Variants in CDH15 observed in about 807,000 individuals in gnomAD.
CDH15 encodes cadherin-15.
Under a neutral mutation model 69.4 loss-of-function variants are expected in CDH15, and 73 were observed. The ratio of observed to expected loss-of-function variants is 1.05; its 90% confidence interval spans 0.87 to 1.28. CDH15 has a LOEUF of 1.28. Ranked by LOEUF, CDH15 falls within the 50% of genes most tolerant of loss-of-function variation. The pLI is 0.00. For synonymous variants in CDH15, 624 were observed against 507.7 expected, an observed-to-expected ratio of 1.23 and a Z score of -3.08; for missense variants, 1,343 against 1,133.6, an observed-to-expected ratio of 1.18 and a Z score of -2.65.
At position 89,178,357 on chromosome 16, in the gene CDH15, A is replaced by G. The variant is rs548172070; in HGVS notation, c.43-1059A>G. On this transcript the variant is annotated intron_variant, in intron 1 of 13. Transcript: ENST00000289746. ...CACCAGGGCTTCCCGTGTGCATTAC[A>G]AACAGTGCGTCCCAGCCCCTGATGT... Among the ~76,000 whole-genome samples, 5 of 152,250 alleles carry G rather than the reference A, an allele frequency of 3.3e-5. No individual in the cohort carries two copies. The East Asian group carries it at 9.7e-4, about 29-fold the overall frequency.
At chr16:89,184,993 G>T (rs985036507) in intron 4 of CDH15, among the ~76,000 whole-genome samples, 180 bp from the exon 5 acceptor site, 1 of 152,238 alleles carries the variant, frequency 6.6e-6, no homozygotes, top group East Asian at 1.9e-4. Flanking sequence ...CGACCTGGGG[G>T]TTGCCGCATG....
At chr16:89,190,852 C>T (rs1246686844) in intron 8 of CDH15, among the ~76,000 whole-genome samples, 2 of 152,176 alleles carry the variant, frequency 1.3e-5, no homozygotes, top group Admixed American at 6.5e-5. Flanking sequence ...AGGGCCAGCA[C>T]CAACTGAGGC....
intron 4 of CDH15, among the ~76,000 whole-genome samples, chr16:89,184,070 T>C (rs1915431535): frequency 1.3e-5 from 2 of 152,150 alleles, no homozygotes; most frequent in Non-Finnish European, 2.9e-5. Flanking sequence ...CAGGCTGACC[T>C]GTAAGCTCCA....
At chr16:89,184,235 G>T (rs550937407) in intron 4 of CDH15, among the ~76,000 whole-genome samples, 1 of 152,154 alleles carries the variant, frequency 6.6e-6, no homozygotes, top group African/African-American at 2.4e-5. Context: ...TTTCCTTCCC[G>T]TGTCTGTGGC....
chr16:89,185,920 CGCTT>C (rs1354623025), intron 5 of CDH15: 19 of 167,180 alleles, frequency 1.1e-4, no homozygotes, highest in Non-Finnish European at 1.9e-4. Flanking sequence ...GCTCTGTAAA[CGCTT>C]ATCCAGCACA....
rs138371165 is a variant in CDH15 at position 89,181,124 on chromosome 16, G to A, written c.357+769G>A. ...ATCTGGGATTACAGGCTCCACCACCGTGCCCAGTTAATTTTTGTATTTTTA... is the reference window on the plus strand; with the variant it reads ...ATCTGGGATTACAGGCTCCACCACCATGCCCAGTTAATTTTTGTATTTTTA... On this transcript the variant is annotated intron_variant, in intron 3 of 13. Transcript: ENST00000289746. 1.7e-3 allele frequency among the ~76,000 whole-genome samples: 255 copies of A among 152,068 alleles called. 3 individuals are homozygous for A. In the South Asian group the frequency reaches 0.023, roughly 14 times the overall value.
chr16:89,179,107 G>A (rs1483246972), intron 1 of CDH15, among the ~76,000 whole-genome samples: 2 of 152,234 alleles, frequency 1.3e-5, no homozygotes, highest in African/African-American at 4.8e-5. Flanking sequence ...AGGGGCTGCA[G>A]ACAGCCTGGC....
intron 5 of CDH15, chr16:89,185,662 C>T (rs2050611415): frequency 7.3e-6 from 3 of 413,690 alleles, no homozygotes; most frequent in South Asian, 2.4e-5. Flanking sequence ...TGTCAGGGCC[C>T]CTGTTGCCCC....
chr16:89,188,012 A>C (rs1040949287), intron 6 of CDH15, 88 bp from the exon 7 acceptor site: 21 of 598,342 alleles, frequency 3.5e-5, no homozygotes, highest in Non-Finnish European at 4.8e-5. Context: ...GGAGGGTGGG[A>C]GGGGAGGGTG....
rs376932804 is a variant in CDH15 at position 89,193,557 on chromosome 16, G to A, written c.1943G>A (p.Arg648Gln). 5 of 1,610,820 alleles carry A rather than the reference G, an allele frequency of 3.1e-6. No homozygotes were observed. Among genetic ancestry groups the A allele is most frequent in the Admixed American group, 1.7e-5 (1 of 59,788 alleles). ...GLLHGPQDDL[R>Q]DNVLNYDEQG... Reference sequence around the variant, plus strand: ...CTGCACGGCCCCCAGGACGACCTTCGAGACAATGTCCTCAACTACGATGAG... The same window carrying A: ...CTGCACGGCCCCCAGGACGACCTTCAAGACAATGTCCTCAACTACGATGAG... Residue 648 changes from arginine (R) to glutamine (Q), a missense_variant, in exon 12 of 14, where the codon CGA (arginine) becomes CAA (glutamine). By Grantham distance (43) the Arg-to-Gln change is conservative. Coordinates refer to ENST00000289746, the MANE Select transcript of CDH15 (RefSeq NM_004933.3).
At chr16:89,185,699 A>T in intron 5 of CDH15, 1 of 357,918 alleles carries the variant, frequency 2.8e-6, no homozygotes, top group Non-Finnish European at 5.4e-6. Context: ...GTGCTCCCGG[A>T]AGACCCCCCT....
Position 89,192,386 on chromosome 16 carries a change from C to T in CDH15, c.1797C>T (p.Gly599=). ...GGGCCGCAGCGCTGCTGGCGGGGGG[C>T]ACAGGCCTCAGCCTGGGCGCACTGG... is the stretch of plus-strand genomic sequence containing the variant. ...LPGAAALLAG[G]TGLSLGALVI... The change falls in exon 11 of 14, where the codon GGC becomes GGT. Residue 599 remains glycine (G), a synonymous_variant. Coordinates refer to ENST00000289746, the MANE Select transcript of CDH15 (RefSeq NM_004933.3). 6.5e-7 allele frequency: 1 copy of T among 1,536,716 alleles called. No homozygotes were observed. The highest frequency in any genetic ancestry group is 1.2e-5 in the South Asian group (1 of 84,234).
rs576930013 is a variant in CDH15 at position 89,194,627 on chromosome 16, C to T, written c.2152-235C>T. Among the ~76,000 whole-genome samples the T allele has an allele frequency of 5.3e-5, 8 of 152,268 alleles. No individual in the cohort carries two copies. In the East Asian group the frequency reaches 7.7e-4, roughly 15 times the overall value. ...TGGGGCAGGGCAGAGCCCCGGGGGACGGGCTGGCCGCTGGCCTAATACTGA... is the reference window on the plus strand; with the variant it reads ...TGGGGCAGGGCAGAGCCCCGGGGGATGGGCTGGCCGCTGGCCTAATACTGA... On this transcript the variant is annotated intron_variant, in intron 13 of 13. Transcript: ENST00000289746.
intron 1 of CDH15, among the ~76,000 whole-genome samples, chr16:89,172,100 A>G (rs1255898928): frequency 2.0e-5 from 3 of 152,060 alleles, no homozygotes; most frequent in Non-Finnish European, 2.9e-5. Flanking sequence ...CACCCCCAGG[A>G]CTGCAGAGTG....
Position 89,185,286 on chromosome 16 carries a change from G to C in CDH15, c.616G>C (p.Glu206Gln). The C allele has an allele frequency of 1.2e-6, 2 of 1,605,932 alleles. No homozygotes were observed. Among genetic ancestry groups the C allele is most frequent in the Non-Finnish European group, 1.7e-6 (2 of 1,176,624 alleles). ...CAGCCCCGAGCTCTTCAGCATCGAC[G>C]AGCTCACAGGAGAGATCCGCACAGT... ...QGSPELFSID[E>Q]LTGEIRTVQV... is the part of the protein sequence containing the mutation. Residue 206 changes from glutamate (E) to glutamine (Q), a missense_variant, in exon 5 of 14, where the codon GAG becomes CAG. Transcript: ENST00000289746.
At chr16:89,174,790 G>A (rs1915224042) in intron 1 of CDH15, among the ~76,000 whole-genome samples, 1 of 152,138 alleles carries the variant, frequency 6.6e-6, no homozygotes, top group African/African-American at 2.4e-5. Context: ...TTGGGTGGGG[G>A]ACAGAGAGGA....
At chr16:89,188,060 C>T in intron 6 of CDH15, 40 bp from the exon 7 acceptor site, 1 of 1,568,410 alleles carries the variant, frequency 6.4e-7, no homozygotes, top group South Asian at 1.2e-5. Context: ...TGCTGTCCCC[C>T]CAGCCCTGCT....
In CDH15 at chr16:89,195,134, A is replaced by G. The variant is rs1262391660; in HGVS notation, c.2424A>G (p.Arg808=). 2.5e-6 allele frequency: 4 copies of G among 1,599,646 alleles called. No homozygotes were observed. Among genetic ancestry groups the G allele is most frequent in the Non-Finnish European group, 3.4e-6 (4 of 1,172,564 alleles). ...TTTCTCCTGGGGCACTGCTACCCAG[A>G]CACAGAGGCCGGACAGCCTGACCCT... ...EGLSPGALLP[R]HRGRTA is the part of the protein sequence containing the mutation. The change falls in exon 14 of 14, where the codon AGA becomes AGG. Residue 808 remains arginine (R), a synonymous_variant. Coordinates refer to ENST00000289746, the MANE Select transcript of CDH15 (RefSeq NM_004933.3).
chr16:89,180,803 A>C (rs1010036185), intron 3 of CDH15, among the ~76,000 whole-genome samples: 3 of 151,858 alleles, frequency 2.0e-5, no homozygotes. Context: ...GGCTCACTGC[A>C]AGCTCCGCCT....
Sources: gnomAD v4.1 joint callset for allele counts (sites outside exome capture counted in the v4.1 genomes callset) on GRCh38, gnomAD v4.1.1 for gene constraint, MANE v1.5 for transcripts, NCBI Gene and HGNC (gene_info 2026-07-23, HGNC 2026-07-21) for gene names.